The following SLC39A12 variants were observed in gnomAD, a reference collection of about 807,000 sequenced individuals.
SLC39A12 encodes the protein zinc transporter ZIP12.
In SLC39A12, 63 loss-of-function variants were observed where a neutral mutation model predicts 71.1. The observed-to-expected ratio is 0.89, with a 90% CI of 0.72 to 1.09. SLC39A12 has a LOEUF of 1.09. SLC39A12 is among the 50% of genes least tolerant of loss of function. SLC39A12 has a pLI of 0.00. For missense variants in SLC39A12, 892 were observed against 812.6 expected (o/e 1.10, Z -1.19); for synonymous variants, 351 against 301.3 (o/e 1.16, Z -1.71).
chr10:17,955,159 G>A (rs1356541749), intron 2 of SLC39A12, among the ~76,000 whole-genome samples: 1 of 152,180 alleles, frequency 6.6e-6, no homozygotes, highest in Non-Finnish European at 1.5e-5. Context: ...TTTTGCCAGG[G>A]GGGAAGGTAA....
intron 7 of SLC39A12, among the ~76,000 whole-genome samples, chr10:17,988,522 T>G (rs2130821171): frequency 6.6e-6 from 1 of 152,320 alleles, no homozygotes; most frequent in South Asian, 2.1e-4. Context: ...AGGAGCCCAT[T>G]AAACCTCTTT....
chr10:17,957,983 G>A (rs1237199191), intron 2 of SLC39A12, among the ~76,000 whole-genome samples: 4 of 152,196 alleles, frequency 2.6e-5, no homozygotes, highest in African/African-American at 9.6e-5. Context: ...CAAAATCTCT[G>A]TTCCGACAAA....
At chr10:18,013,495 G>A (rs1244181411) in intron 12 of SLC39A12, among the ~76,000 whole-genome samples, 1 of 151,772 alleles carries the variant, frequency 6.6e-6, no homozygotes, top group East Asian at 1.9e-4. Flanking sequence ...AGCCTCCCAA[G>A]TAGCTGGGAC....
At chr10:18,008,980 A>G (rs987386799) in intron 12 of SLC39A12, among the ~76,000 whole-genome samples, 55 of 152,244 alleles carry the variant, frequency 3.6e-4, no homozygotes, top group African/African-American at 1.3e-3. Flanking sequence ...AAAAGCCCTC[A>G]AAGTATTGTC....
chr10:17,964,929 G>A (rs1834784750), intron 3 of SLC39A12, among the ~76,000 whole-genome samples: 1 of 152,210 alleles, frequency 6.6e-6, no homozygotes, highest in Non-Finnish European at 1.5e-5. Context: ...TAGTCAGGCT[G>A]GGTGTGGTGG....
At chr10:17,983,373 A>C (rs1216714758) in intron 6 of SLC39A12, among the ~76,000 whole-genome samples, 2 of 152,010 alleles carry the variant, frequency 1.3e-5, no homozygotes, top group Non-Finnish European at 2.9e-5. Context: ...CTGTGGTCTC[A>C]GATACTTGGG....
chr10:17,977,026 T>C (rs2130802710), intron 4 of SLC39A12, among the ~76,000 whole-genome samples: 2 of 152,300 alleles, frequency 1.3e-5, no homozygotes, highest in Middle Eastern at 6.8e-3. Flanking sequence ...TCTGTTAATC[T>C]ATACTCATGT....
At chr10:17,966,508 C>T (rs115594432) in intron 4 of SLC39A12, among the ~76,000 whole-genome samples, 2,019 of 151,984 alleles carry the variant, frequency 0.013, 40 homozygotes, top group African/African-American at 0.042. Context: ...ATAGGGGTCT[C>T]ACTATGTTGC....
In SLC39A12 at chr10:17,983,233, G is replaced by C. The variant is rs1835313200; in HGVS notation, c.1096+1750G>C. On this transcript the variant is annotated intron_variant, in intron 6 of 12. Coordinates refer to ENST00000377369, the MANE Select transcript of SLC39A12 (RefSeq NM_001145195.2). ...AGGCCAGGTGCAGTGTCTCACACCT[G>C]TAGTCCTAGTACTTTGGGAGGGCAA... is the stretch of plus-strand genomic sequence containing the variant. 2.0e-5 allele frequency among the ~76,000 whole-genome samples: 3 copies of C among 147,386 alleles called. No homozygotes were observed. In the South Asian group the frequency reaches 6.5e-4, roughly 32 times the overall value.
intron 11 of SLC39A12, chr10:18,002,539 G>C (rs1190269704): frequency 1.3e-5 from 2 of 152,088 alleles, no homozygotes; most frequent in Admixed American, 1.3e-4. Flanking sequence ...AGAAAACTGG[G>C]TCCCCAAGCT....
At position 17,991,728 on chromosome 10, in the gene SLC39A12, G is replaced by A. The variant is rs942954430; in HGVS notation, c.1422+425G>A. Reference sequence around the variant, plus strand: ...CAAAAACAAGCGTCTTAGGAATTTTGAAATTTGCAGCAAATCTTTTTTTCA... The same window carrying A: ...CAAAAACAAGCGTCTTAGGAATTTTAAAATTTGCAGCAAATCTTTTTTTCA... On this transcript the variant is annotated intron_variant, in intron 8 of 12. Coordinates refer to ENST00000377369, the MANE Select transcript of SLC39A12 (RefSeq NM_001145195.2). Among the ~76,000 whole-genome samples, 3 of 152,200 alleles carry A rather than the reference G, an allele frequency of 2.0e-5. No individual in the cohort carries two copies. In the East Asian group the frequency reaches 5.8e-4, roughly 29 times the overall value.
intron 12 of SLC39A12, among the ~76,000 whole-genome samples, chr10:18,015,554 CTG>C (rs968673734): frequency 6.6e-6 from 1 of 152,104 alleles, no homozygotes; most frequent in African/African-American, 2.4e-5. Flanking sequence ...ATCAATAAGA[CTG>C]TGAAAAGGCA....
At chr10:18,039,785 A>C (rs1250065827) in intron 12 of SLC39A12, among the ~76,000 whole-genome samples, 2 of 152,168 alleles carry the variant, frequency 1.3e-5, no homozygotes, top group East Asian at 3.8e-4. Flanking sequence ...TAATCCCTCA[A>C]GAGTACCATC....
At chr10:18,009,433 G>A (rs1266661923) in intron 12 of SLC39A12, among the ~76,000 whole-genome samples, 2 of 152,058 alleles carry the variant, frequency 1.3e-5, no homozygotes, top group African/African-American at 4.8e-5. Flanking sequence ...ATTGGAATAG[G>A]GGAAATATCC....
At chr10:17,980,434 G>GA (rs1835223310) in intron 5 of SLC39A12, among the ~76,000 whole-genome samples, 1 of 152,074 alleles carries the variant, frequency 6.6e-6, no homozygotes, top group South Asian at 2.1e-4. Context: ...AGATCACAAA[G>GA]ACATTGCATT....
At chr10:17,965,131 C>T (rs11011748) in intron 3 of SLC39A12, among the ~76,000 whole-genome samples, 49,575 of 151,562 alleles carry the variant, frequency 0.33, 8,545 homozygotes, top group African/African-American at 0.42. Flanking sequence ...CGCTTGAACC[C>T]GGGAGGTGGA....
At chr10:17,958,116 G>A (rs984333073) in intron 2 of SLC39A12, among the ~76,000 whole-genome samples, 1 of 152,160 alleles carries the variant, frequency 6.6e-6, no homozygotes, top group Non-Finnish European at 1.5e-5. Context: ...TGCGGACCCT[G>A]CTCTCTGCTG....
intron 12 of SLC39A12, among the ~76,000 whole-genome samples, chr10:18,037,534 G>T (rs563585920): frequency 6.6e-6 from 1 of 152,148 alleles, no homozygotes; most frequent in Non-Finnish European, 1.5e-5. Context: ...TCCTCTCTGA[G>T]CTAATGTTTC....
chr10:17,965,351 A>G (rs1002596339), intron 3 of SLC39A12, 132 bp from the exon 4 acceptor site: 1 of 722,036 alleles, frequency 1.4e-6, no homozygotes, highest in African/African-American at 1.8e-5. Flanking sequence ...GATGATAGTC[A>G]TATTCCTCAA....
Sources: gnomAD v4.1 joint callset for allele counts (sites outside exome capture counted in the v4.1 genomes callset) on GRCh38, gnomAD v4.1.1 for gene constraint, MANE v1.5 for transcripts, NCBI Gene and HGNC (gene_info 2026-07-23, HGNC 2026-07-21) for gene names.